FMN1: variants seen among roughly 807,000 people sequenced by gnomAD.
FMN1 encodes formin 1, also known as formin-1.
Under a neutral mutation model 132.4 loss-of-function variants are expected in FMN1, and 110 were observed. The ratio of observed to expected loss-of-function variants is 0.83; its 90% CI spans 0.71 to 0.97. The LOEUF (loss-of-function observed/expected upper bound fraction) is 0.97. FMN1 is among the 50% of genes least tolerant of loss of function. The probability of loss-of-function intolerance (pLI) is 0.00; values close to 1 mark genes in which losing one functional copy is unlikely to be tolerated. For synonymous variants in FMN1, 722 were observed against 651.7 expected (o/e 1.11, Z -1.64); for missense variants, 1,792 against 1,705.3 (o/e 1.05, Z -0.90).
At chr15:33,018,399 C>CA (rs1181062867) in intron 6 of FMN1, among the ~76,000 whole-genome samples, 2 of 152,048 alleles carry the variant, frequency 1.3e-5, no homozygotes, top group Admixed American at 6.5e-5. Flanking sequence ...ACCTCCCAAC[C>CA]TATGGGGAGG....
chr15:32,785,276 C>CA (rs2056839190), intron 19 of FMN1, among the ~76,000 whole-genome samples: 1 of 134,354 alleles, frequency 7.4e-6, no homozygotes, highest in Non-Finnish European at 1.5e-5. Context: ...AGGCTGGTCT[C>CA]AAACTCCTGA....
At chr15:32,820,415 T>C (rs900769318) in intron 17 of FMN1, among the ~76,000 whole-genome samples, 1 of 152,184 alleles carries the variant, frequency 6.6e-6, no homozygotes, top group Non-Finnish European at 1.5e-5. Context: ...AATTAATCCT[T>C]AACTAATTTA....
chr15:32,993,741 A>G (rs1443911014), intron 7 of FMN1, among the ~76,000 whole-genome samples: 1 of 152,188 alleles, frequency 6.6e-6, no homozygotes, highest in Non-Finnish European at 1.5e-5. Flanking sequence ...AGCAACCCTC[A>G]GCACCGGTAG....
chr15:32,872,132 G>C (rs1322868109), intron 16 of FMN1, among the ~76,000 whole-genome samples: 1 of 152,030 alleles, frequency 6.6e-6, no homozygotes, highest in Admixed American at 6.6e-5. Flanking sequence ...TCTGAACTTG[G>C]GGGAAGTGTA....
intron 6 of FMN1, among the ~76,000 whole-genome samples, chr15:33,021,013 G>A (rs1023416810): frequency 6.6e-6 from 1 of 152,226 alleles, no homozygotes; most frequent in Non-Finnish European, 1.5e-5. Flanking sequence ...GTTTTGGCTA[G>A]TGGAATATAA....
intron 9 of FMN1, among the ~76,000 whole-genome samples, chr15:32,938,199 T>G (rs35937803): frequency 0.34 from 52,187 of 151,866 alleles, 9,291 homozygotes; most frequent in African/African-American, 0.39. Context: ...ATCACATCAT[T>G]TAAGTATTCC....
In FMN1 at chr15:32,873,725, T is replaced by C. The variant is rs116488475; in HGVS notation, c.3835+14447A>G. Among the ~76,000 whole-genome samples, 607 of 152,198 alleles carry C rather than the reference T, an allele frequency of 4.0e-3. 5 individuals carry two copies. The highest frequency in any genetic ancestry group is 0.014 in the African/African-American group (588 of 41,522). Reference sequence around the variant, plus strand: ...AAATAAATAGTATCCACTGAGAGGCTAGGTGTCACAGATTCTGAAATGCCT... The same window carrying C: ...AAATAAATAGTATCCACTGAGAGGCCAGGTGTCACAGATTCTGAAATGCCT... On this transcript the variant is annotated intron_variant, in intron 16 of 20. Coordinates refer to ENST00000616417, the MANE Select transcript of FMN1 (RefSeq NM_001277313.2).
In FMN1 at chr15:32,777,537, CATTT is replaced by C. The variant is rs1350212420; in HGVS notation, c.4131-622_4131-619del. ...CATTTATATATTACGTATAACATAA[CATTT>C]ATATATTACGTATAACATATAACAC... On this transcript the variant is annotated intron_variant, in intron 19 of 20. Coordinates refer to ENST00000616417, the MANE Select transcript of FMN1 (RefSeq NM_001277313.2). 2.1e-5 allele frequency among the ~76,000 whole-genome samples: 2 copies of C among 93,256 alleles called. 1 individual carries two copies. The highest frequency in any genetic ancestry group is 7.3e-5 in the African/African-American group (2 of 27,534). The allele number at this position is 93,256 out of a possible 152,430, so 61.2% of individuals were successfully genotyped here. A position where few individuals can be genotyped will look rare whatever the true frequency, so the allele number is the denominator to read the frequency against.
intron 9 of FMN1, among the ~76,000 whole-genome samples, chr15:32,936,446 T>C (rs1567425547): frequency 6.6e-6 from 1 of 152,228 alleles, no homozygotes; most frequent in Non-Finnish European, 1.5e-5. Flanking sequence ...GTATGTGAAT[T>C]CCCAATTAGA....
chr15:32,942,484 A>G (rs2061422118), intron 9 of FMN1, among the ~76,000 whole-genome samples: 1 of 152,240 alleles, frequency 6.6e-6, no homozygotes, highest in African/African-American at 2.4e-5. Flanking sequence ...ATAAAAATAA[A>G]TGGTTCTGAA....
chr15:33,185,733 C>T (rs1219414872), intron 2 of FMN1, among the ~76,000 whole-genome samples: 1 of 151,772 alleles, frequency 6.6e-6, no homozygotes, highest in Non-Finnish European at 1.5e-5. Context: ...CCACCACACC[C>T]AGCTAATTTT....
chr15:33,019,603 G>T (rs2035303542), intron 6 of FMN1, among the ~76,000 whole-genome samples: 1 of 152,172 alleles, frequency 6.6e-6, no homozygotes, highest in Non-Finnish European at 1.5e-5. Flanking sequence ...ATGGCGAGCT[G>T]GAGGTCCCGA....
chr15:33,090,076 T>C (rs2038850779), intron 4 of FMN1, among the ~76,000 whole-genome samples: 1 of 152,220 alleles, frequency 6.6e-6, no homozygotes, highest in African/African-American at 2.4e-5. Flanking sequence ...TAATGTTTCA[T>C]ACAGCACTCA....
intron 17 of FMN1, among the ~76,000 whole-genome samples, chr15:32,815,091 C>T (rs900704565): frequency 1.3e-5 from 2 of 151,842 alleles, no homozygotes; most frequent in African/African-American, 4.8e-5. Flanking sequence ...TACAGGTGCC[C>T]GCCACCACGC....
chr15:32,987,548 G>A (rs184474632), intron 7 of FMN1, among the ~76,000 whole-genome samples: 2 of 152,090 alleles, frequency 1.3e-5, no homozygotes, highest in Admixed American at 6.6e-5. Context: ...AACTGATTAG[G>A]AGGACTGAGG....
chr15:32,949,974 TATATACAC>T (rs1567448830), intron 9 of FMN1, among the ~76,000 whole-genome samples: 41 of 52,802 alleles, frequency 7.8e-4, no homozygotes, highest in African/African-American at 3.7e-3. Context: ...TACACACATA[TATATACAC>T]ACACATATAT....
At chr15:32,882,558 C>T (rs1382967288) in intron 16 of FMN1, among the ~76,000 whole-genome samples, 1 of 152,100 alleles carries the variant, frequency 6.6e-6, no homozygotes, top group East Asian at 1.9e-4. Flanking sequence ...TTTAGAATTG[C>T]TAGTGCATAA....
intron 16 of FMN1, among the ~76,000 whole-genome samples, chr15:32,865,848 A>T (rs60325257): frequency 3.6e-4 from 46 of 129,298 alleles, no homozygotes; most frequent in East Asian, 3.2e-3. Context: ...AAAAAAAAAA[A>T]AAAAATAAAA....
intron 10 of FMN1, among the ~76,000 whole-genome samples, chr15:32,913,660 A>T (rs1219989472): frequency 6.6e-6 from 1 of 152,114 alleles, no homozygotes; most frequent in Non-Finnish European, 1.5e-5. Flanking sequence ...TACCTCTCTC[A>T]TATTTTACAT....
Sources: gnomAD v4.1 joint callset for allele counts (sites outside exome capture counted in the v4.1 genomes callset) on GRCh38, gnomAD v4.1.1 for gene constraint, MANE v1.5 for transcripts, NCBI Gene and HGNC (gene_info 2026-07-23, HGNC 2026-07-21) for gene names.